Variants in GNG12 observed in about 807,000 individuals in gnomAD.
The protein encoded by GNG12 is guanine nucleotide-binding protein G(I)/G(S)/G(O) subunit gamma-12.
For synonymous variants in GNG12, 28 were observed against 29.7 expected (o/e 0.94, Z 0.19); for missense variants, 69 against 83.8 (o/e 0.82, Z 0.69).
chr1:67,809,952 C>T (rs756045405), intron 1 of GNG12, among the ~76,000 whole-genome samples: 1 of 152,136 alleles, frequency 6.6e-6, no homozygotes, highest in Admixed American at 6.5e-5. Flanking sequence ...AAGACATATG[C>T]CCGAAAATTT....
intron 2 of GNG12, among the ~76,000 whole-genome samples, chr1:67,772,874 T>C (rs1239737548): frequency 2.0e-5 from 3 of 152,180 alleles, no homozygotes; most frequent in African/African-American, 7.2e-5. Context: ...CACCCATAGC[T>C]GTGAGAATGA....
intron 2 of GNG12, among the ~76,000 whole-genome samples, chr1:67,763,090 G>GGAGA (rs71064962): frequency 1.1e-3 from 129 of 116,784 alleles, no homozygotes; most frequent in East Asian, 6.3e-3. Flanking sequence ...TACCCTCCCA[G>GGAGA]GAGAGAGAGA....
chr1:67,750,675 T>C (rs1646533765), intron 2 of GNG12, among the ~76,000 whole-genome samples: 1 of 152,210 alleles, frequency 6.6e-6, no homozygotes, highest in Non-Finnish European at 1.5e-5. Flanking sequence ...TTATGTAGCA[T>C]ATTTTCCCAT....
At chr1:67,774,686 T>C (rs1646694099) in intron 2 of GNG12, among the ~76,000 whole-genome samples, 1 of 152,230 alleles carries the variant, frequency 6.6e-6, no homozygotes, top group South Asian at 2.1e-4. Context: ...TTAGTACTAC[T>C]GGTTGCTCTC....
At chr1:67,775,990 G>A (rs537585028) in intron 2 of GNG12, among the ~76,000 whole-genome samples, 1 of 152,316 alleles carries the variant, frequency 6.6e-6, no homozygotes, top group East Asian at 1.9e-4. Flanking sequence ...AATGAGTGGA[G>A]AAGCTAGAGA....
Position 67,746,495 on chromosome 1 carries a change from G to C in GNG12, c.-27+30963C>G, listed in dbSNP as rs529852698. Among the ~76,000 whole-genome samples the C allele has an allele frequency of 3.0e-3, 461 of 152,244 alleles. 1 individual carries two copies. The highest frequency in any genetic ancestry group is 5.2e-3 in the Non-Finnish European group (356 of 68,006). On this transcript the variant is annotated intron_variant, in intron 2 of 3. Transcript: ENST00000370982. Reference sequence around the variant, plus strand: ...ATCAACTCATGAAGGCACGGAAGTGGCTTGTGCTGAGGAAGGCATTCGGAG... The same window carrying C: ...ATCAACTCATGAAGGCACGGAAGTGCCTTGTGCTGAGGAAGGCATTCGGAG...
In GNG12 at chr1:67,709,902, T is replaced by A. The variant is rs534989504; in HGVS notation, c.-26-2190A>T. 1.7e-3 allele frequency among the ~76,000 whole-genome samples: 168 copies of A among 99,964 alleles called. 1 individual carries two copies. Among genetic ancestry groups the A allele is most frequent in the Non-Finnish European group, 2.4e-3 (132 of 56,104 alleles). 65.6% of individuals were successfully genotyped at this position (99,964 alleles called of 152,430 possible). On this transcript the variant is annotated intron_variant, in intron 2 of 3. Transcript: ENST00000370982. ...TTTATATATATAGTTATATATATAT[T>A]TTTATATAGTTATATATATAGTTAT...
intron 1 of GNG12, among the ~76,000 whole-genome samples, chr1:67,817,466 G>A (rs1646959275): frequency 6.6e-6 from 1 of 152,190 alleles, no homozygotes. Flanking sequence ...GGCTTTGGCT[G>A]TGGGCCCAAA....
intron 1 of GNG12, chr1:67,832,586 G>A (rs1647053792): frequency 6.6e-6 from 1 of 150,650 alleles, no homozygotes; most frequent in Non-Finnish European, 1.5e-5. Context: ...CCTGCCCCAC[G>A]GGATAACTGT....
intron 1 of GNG12, among the ~76,000 whole-genome samples, chr1:67,785,513 A>G (rs1270557603): frequency 2.0e-5 from 3 of 152,144 alleles, no homozygotes; most frequent in African/African-American, 7.2e-5. Context: ...ACTGGGTGGT[A>G]AGGTACCAGT....
chr1:67,751,070 T>C (rs772588838), intron 2 of GNG12, among the ~76,000 whole-genome samples: 3 of 152,084 alleles, frequency 2.0e-5, no homozygotes, highest in Non-Finnish European at 4.4e-5. Flanking sequence ...TCAGTTATTA[T>C]TTGGGCCACT....
intron 1 of GNG12, among the ~76,000 whole-genome samples, chr1:67,786,660 C>T (rs1482729290): frequency 2.6e-5 from 4 of 152,164 alleles, no homozygotes; most frequent in South Asian, 2.1e-4. Flanking sequence ...CAGTAGCTCA[C>T]GCCTGTAATA....
chr1:67,716,145 C>T (rs562453532), intron 2 of GNG12, among the ~76,000 whole-genome samples: 5 of 152,172 alleles, frequency 3.3e-5, no homozygotes, highest in Non-Finnish European at 5.9e-5. Context: ...AATGTGGTTT[C>T]GGGTAGGGAA....
At chr1:67,820,461 A>G (rs1479029400) in intron 1 of GNG12, among the ~76,000 whole-genome samples, 1 of 152,148 alleles carries the variant, frequency 6.6e-6, no homozygotes, top group Non-Finnish European at 1.5e-5. Context: ...TCCACAAAAA[A>G]TAGCAAAGAA....
rs1161065674 is a variant in GNG12 at position 67,704,806 on chromosome 1, T to C, written c.*645A>G. On this transcript the variant is annotated 3_prime_UTR_variant, in exon 4 of 4. Coordinates refer to ENST00000370982, the MANE Select transcript of GNG12 (RefSeq NM_018841.6). ...AGATGATTGCATTACTTGATTACAATGAATACAATCTTTAGGATACTCTTT... is the reference window on the plus strand; with the variant it reads ...AGATGATTGCATTACTTGATTACAACGAATACAATCTTTAGGATACTCTTT... 1 of 152,726 alleles carries C rather than the reference T, an allele frequency of 6.5e-6. No homozygotes were observed. The highest frequency in any genetic ancestry group is 1.9e-4 in the East Asian group (1 of 5,190). 9.5% of individuals were successfully genotyped at this position (152,726 alleles called of 1,614,324 possible). A position where few individuals can be genotyped will look rare whatever the true frequency, so the allele number is the denominator to read the frequency against.
chr1:67,826,077 T>C (rs181105103), intron 1 of GNG12, among the ~76,000 whole-genome samples: 60 of 152,288 alleles, frequency 3.9e-4, no homozygotes, highest in Middle Eastern at 3.4e-3. Context: ...CCACTGACAT[T>C]CATGAAGTTT....
chr1:67,701,492 A>T lies in GNG12; in HGVS notation c.*3959T>A, dbSNP rs1335461273. 3 of 152,794 alleles carry T rather than the reference A, an allele frequency of 2.0e-5. No homozygotes were observed. In the East Asian group the frequency reaches 5.8e-4, roughly 29 times the overall value. The allele number at this position is 152,794 out of a possible 1,614,324, so 9.5% of individuals were successfully genotyped here. A position where few individuals can be genotyped will look rare whatever the true frequency, so the allele number is the denominator to read the frequency against. On this transcript the variant is annotated 3_prime_UTR_variant, in exon 4 of 4. Coordinates refer to ENST00000370982, the MANE Select transcript of GNG12 (RefSeq NM_018841.6). ...AAGAGAAATGGTCTTTTATTCATTT[A>T]TTGAGCAAAACACAAGTAGGATGAT...
intron 1 of GNG12, among the ~76,000 whole-genome samples, chr1:67,802,095 A>G (rs1646869295): frequency 6.6e-6 from 1 of 152,166 alleles, no homozygotes; most frequent in South Asian, 2.1e-4. Flanking sequence ...TTTCTTGACC[A>G]GAGAATGAGA....
chr1:67,735,017 C>T (rs902935948), intron 2 of GNG12, among the ~76,000 whole-genome samples: 8 of 151,984 alleles, frequency 5.3e-5, no homozygotes, highest in African/African-American at 1.9e-4. Context: ...CCACGCCTGG[C>T]TAATTTTGTA....
Sources: gnomAD v4.1 joint callset for allele counts (sites outside exome capture counted in the v4.1 genomes callset) on GRCh38, gnomAD v4.1.1 for gene constraint, MANE v1.5 for transcripts, NCBI Gene and HGNC (gene_info 2026-07-23, HGNC 2026-07-21) for gene names.